FAM227A: variants seen among roughly 807,000 people sequenced by gnomAD.
FAM227A encodes the protein protein FAM227A.
Under a neutral mutation model 74.7 loss-of-function variants are expected in FAM227A, and 80 were observed. The ratio of observed to expected loss-of-function variants is 1.07; its 90% CI spans 0.89 to 1.29. The LOEUF (loss-of-function observed/expected upper bound fraction) is 1.29, where lower values mean the gene tolerates loss of function less well. Ranked by LOEUF, FAM227A falls within the 50% of genes most tolerant of loss-of-function variation. The pLI, the probability that FAM227A is intolerant of heterozygous loss-of-function variation, is 0.00. For missense variants in FAM227A, 654 were observed against 683.4 expected (o/e 0.96, Z 0.48); for synonymous variants, 237 against 241.8 (o/e 0.98, Z 0.19).
chr22:38,620,493 C>T (rs909413954), intron 10 of FAM227A, among the ~76,000 whole-genome samples: 4 of 152,126 alleles, frequency 2.6e-5, no homozygotes, highest in Non-Finnish European at 5.9e-5. Flanking sequence ...AGGGTGAATG[C>T]ACCAATTAAA....
intron 13 of FAM227A, among the ~76,000 whole-genome samples, chr22:38,601,407 G>T (rs1004445368): frequency 4.6e-5 from 7 of 151,644 alleles, no homozygotes; most frequent in Admixed American, 2.0e-4. Flanking sequence ...TATGTGCTTG[G>T]TGTGGCTGAG....
chr22:38,630,773 C>T lies in FAM227A; in HGVS notation c.520-1838G>A, dbSNP rs568918282. On this transcript the variant is annotated intron_variant, in intron 6 of 16. Transcript: ENST00000535113. ...TTCACAGATAAAGAGACATTTACAA[C>T]AGTGTGATAGGATCCCCGGGACAAG... is the stretch of plus-strand genomic sequence containing the variant. 5.6e-4 allele frequency among the ~76,000 whole-genome samples: 86 copies of T among 152,334 alleles called. 3 individuals carry two copies. The South Asian group carries it at 0.017, about 31-fold the overall frequency.
chr22:38,597,169 C>CG (rs2091063870), intron 15 of FAM227A, 35 bp downstream of exon 15: 4 of 1,546,668 alleles, frequency 2.6e-6, no homozygotes, highest in Non-Finnish European at 3.5e-6. Flanking sequence ...AAGATAAGTG[C>CG]GGAACAACGG....
intron 14 of FAM227A, among the ~76,000 whole-genome samples, chr22:38,598,429 A>G (rs1400727120): frequency 6.6e-6 from 1 of 152,208 alleles, no homozygotes; most frequent in Admixed American, 6.5e-5. Flanking sequence ...TGCATATCCC[A>G]ACCCAGGTTC....
At chr22:38,645,036 A>G (rs4821805) in intron 3 of FAM227A, among the ~76,000 whole-genome samples, 44,677 of 150,288 alleles carry the variant, frequency 0.3, 6,676 homozygotes, top group East Asian at 0.36. Context: ...GCAGTGAGCC[A>G]ACATCGCACC....
chr22:38,581,314 C>T lies in FAM227A; in HGVS notation c.*4811G>A, dbSNP rs995656358. The T allele has an allele frequency of 6.6e-6, 1 of 152,150 alleles. No homozygotes were observed. Among genetic ancestry groups the T allele is most frequent in the Non-Finnish European group, 1.5e-5 (1 of 68,034 alleles). The allele number at this position is 152,150 out of a possible 1,614,324, so 9.4% of individuals were successfully genotyped here. On this transcript the variant is annotated 3_prime_UTR_variant, in exon 17 of 17. Coordinates refer to ENST00000535113, the MANE Select transcript of FAM227A (RefSeq NM_001013647.2). ...TGATTTTCCTGCCCTAGACCTGGAA[C>T]TGATCATTTCTTCAAGGATCCCTAG...
At position 38,605,359 on chromosome 22, in the gene FAM227A, G is replaced by C; in HGVS notation, c.1127-11C>G. The C allele has an allele frequency of 6.7e-7, 1 of 1,493,502 alleles. No homozygotes were observed. Among genetic ancestry groups the C allele is most frequent in the Non-Finnish European group, 9.1e-7 (1 of 1,094,276 alleles). 92.5% of individuals were successfully genotyped at this position (1,493,502 alleles called of 1,614,324 possible). Reference sequence around the variant, plus strand: ...TCTGACAATGATGCTCTGTCAATGTGACATTAGCAAGAAAATGACCATTAG... The same window carrying C: ...TCTGACAATGATGCTCTGTCAATGTCACATTAGCAAGAAAATGACCATTAG... On this transcript the variant is annotated splice_polypyrimidine_tract_variant and intron_variant, in intron 12 of 16. Coordinates refer to ENST00000535113, the MANE Select transcript of FAM227A (RefSeq NM_001013647.2).
At position 38,650,054 on chromosome 22, in the gene FAM227A, TCA is replaced by T; in HGVS notation, c.113_114del (p.Val38GlufsTer25). 1 of 1,552,222 alleles carries T rather than the reference TCA, an allele frequency of 6.4e-7. No homozygotes were observed. The highest frequency in any genetic ancestry group is 8.7e-7 in the Non-Finnish European group (1 of 1,147,110). On this transcript the variant is annotated frameshift_variant, in exon 2 of 17. Transcript: ENST00000535113. LOFTEE classifies it high-confidence loss of function. ...GGTGGATTGTTCTCTAACTCCTTCCTCACAGTCTTCACCATTGTATTCCGTGC... is the reference window on the plus strand; with the variant it reads ...GGTGGATTGTTCTCTAACTCCTTCCTCAGTCTTCACCATTGTATTCCGTGC... ...LVARNTMVKTVRKELENNPPS... is the reference protein window; with the variant it reads ...LVARNTMVKTXRKELENNPPS...
chr22:38,599,007 A>G (rs1249122659), intron 14 of FAM227A, among the ~76,000 whole-genome samples: 3 of 147,846 alleles, frequency 2.0e-5, no homozygotes, highest in Non-Finnish European at 4.4e-5. Context: ...CCCAGGCTGC[A>G]GTGCAATGGC....
intron 5 of FAM227A, among the ~76,000 whole-genome samples, chr22:38,637,234 T>C (rs1036493067): frequency 1.3e-5 from 2 of 152,226 alleles, no homozygotes; most frequent in African/African-American, 2.4e-5. Context: ...CATGTAGTTA[T>C]GTTGTCTTCA....
Position 38,650,012 on chromosome 22 carries a change from T to A in FAM227A, c.142+15A>T, listed in dbSNP as rs148810810. 6.4e-7 allele frequency: 1 copy of A among 1,551,892 alleles called. No homozygotes were observed. The highest frequency in any genetic ancestry group is 1.2e-5 in the South Asian group (1 of 83,996). On this transcript the variant is annotated intron_variant, in intron 2 of 16. Transcript: ENST00000535113. ...GTATTTGGTCTGATTGTAGGTGACA[T>A]CACCAGAAGGATACAGGGTGGATTG...
chr22:38,645,756 T>G (rs921230389), intron 2 of FAM227A, 111 bp from the exon 3 acceptor site: 2 of 645,604 alleles, frequency 3.1e-6, no homozygotes, highest in African/African-American at 1.9e-5. Flanking sequence ...TCTCCTTAAT[T>G]ATTTTCTTTG....
intron 6 of FAM227A, among the ~76,000 whole-genome samples, chr22:38,631,175 C>CA (rs2091908631): frequency 1.3e-5 from 2 of 151,974 alleles, no homozygotes. Context: ...CTCAAAAAAA[C>CA]AAAACAAAAC....
rs561665125 is a variant in FAM227A, at chr22:38,644,232, T to C, written c.225+1331A>G. ...GCCAACGTAAAAAGGCTACGTACTA[T>C]ATGATTCCAACTATATGGCATTATG... On this transcript the variant is annotated intron_variant, in intron 3 of 16. Coordinates refer to ENST00000535113, the MANE Select transcript of FAM227A (RefSeq NM_001013647.2). Among the ~76,000 whole-genome samples, 13 of 150,876 alleles carry C rather than the reference T, an allele frequency of 8.6e-5. No individual in the cohort carries two copies. The East Asian group carries it at 1.2e-3, about 14-fold the overall frequency.
At chr22:38,655,198 T>C (rs917864409) in intron 1 of FAM227A, among the ~76,000 whole-genome samples, 2 of 151,178 alleles carry the variant, frequency 1.3e-5, no homozygotes, top group African/African-American at 4.9e-5. Context: ...GGCTACTCCA[T>C]AGATAGAACA....
intron 11 of FAM227A, among the ~76,000 whole-genome samples, chr22:38,613,295 T>A (rs867066259): frequency 3.6e-4 from 20 of 55,494 alleles, no homozygotes; most frequent in Admixed American, 3.4e-3. Flanking sequence ...ATAATATATA[T>A]CATATATAAT....
chr22:38,620,943 G>A (rs1005458686), intron 10 of FAM227A, among the ~76,000 whole-genome samples: 2 of 152,142 alleles, frequency 1.3e-5, no homozygotes, highest in African/African-American at 4.8e-5. Flanking sequence ...AAATGCTTAA[G>A]AAACAATCTA....
At chr22:38,613,168 GTATATATATTATATATAATA>G (rs1406938842) in intron 11 of FAM227A, among the ~76,000 whole-genome samples, 2 of 66,696 alleles carry the variant, frequency 3.0e-5, no homozygotes, top group Non-Finnish European at 5.1e-5. Flanking sequence ...TATCTATGCT[GTATATATATTATATATAATA>G]TATATATATT....
intron 10 of FAM227A, 41 bp from the exon 11 acceptor site, chr22:38,620,332 G>A (rs2091661466): frequency 2.7e-6 from 4 of 1,455,280 alleles, no homozygotes; most frequent in Non-Finnish European, 3.8e-6. Context: ...CTCTTGTCAT[G>A]GGACAATGAA....
Sources: allele counts gnomAD v4.1 joint callset (sites outside exome capture counted in the v4.1 genomes callset), GRCh38; gene constraint gnomAD v4.1.1; transcripts MANE v1.5; gene names NCBI Gene and HGNC (gene_info 2026-07-23, HGNC 2026-07-21).